DST: variants seen among roughly 807,000 people sequenced by gnomAD.
The protein encoded by DST is bullous pemphigoid antigen.
In DST, 253 loss-of-function variants were observed where a neutral mutation model predicts 875.2. That is an observed-to-expected ratio of 0.29 (90% CI 0.26 to 0.32). DST has a LOEUF of 0.32. Among genes scored for constraint, DST ranks in the 10% least tolerant of loss-of-function variants. The pLI is 1.00. For missense variants in DST, 8,287 were observed against 9,111.6 expected (o/e 0.91, Z 3.68); for synonymous variants, 3,124 against 3,197.1 (o/e 0.98, Z 0.77).
chr6:56,849,763 T>C (rs1764096827), intron 4 of DST, among the ~76,000 whole-genome samples: 1 of 152,082 alleles, frequency 6.6e-6, no homozygotes, highest in Admixed American at 6.5e-5. Context: ...CTGTCATAAC[T>C]CCCTCCTTCA....
At position 56,568,485 on chromosome 6, in the gene DST, T is replaced by G; in HGVS notation, c.13989A>C (p.Ile4663=). ...AGCTCATACCTGATTTAACTGCTGC[T>G]ATTGCCTTTGCAGGGGTGGTCACAG... The part of the protein sequence containing the change: ...ISAVTTPAKA[I]AAVKSGGAVL... The change falls in exon 55 of 104, where the codon ATA becomes ATC. Residue 4663 remains isoleucine (I), a synonymous_variant. Coordinates refer to ENST00000680361, the MANE Select transcript of DST (RefSeq NM_001374736.1). The G allele has an allele frequency of 6.2e-7, 1 of 1,604,508 alleles. No homozygotes were observed. Among genetic ancestry groups the G allele is most frequent in the South Asian group, 1.1e-5 (1 of 87,618 alleles).
chr6:56,776,560 G>A (rs1313656407), intron 4 of DST, among the ~76,000 whole-genome samples: 1 of 152,084 alleles, frequency 6.6e-6, no homozygotes, highest in Non-Finnish European at 1.5e-5. Context: ...CTGTTGCCAA[G>A]ATCTAAAATC....
chr6:56,701,459 CTAAAT>C (rs1488683746), intron 8 of DST, among the ~76,000 whole-genome samples: 2 of 151,798 alleles, frequency 1.3e-5, no homozygotes, highest in African/African-American at 2.4e-5. Context: ...AATGCTTATA[CTAAAT>C]TAAAAGTATT....
At chr6:56,745,161 G>A (rs1274849458) in intron 4 of DST, among the ~76,000 whole-genome samples, 1 of 152,192 alleles carries the variant, frequency 6.6e-6, no homozygotes, top group African/African-American at 2.4e-5. Flanking sequence ...TTAAGAAAAA[G>A]TTTCCAAAAT....
chr6:56,672,516 A>G (rs1370688484), intron 9 of DST, among the ~76,000 whole-genome samples: 2 of 152,166 alleles, frequency 1.3e-5, no homozygotes, highest in African/African-American at 2.4e-5. Flanking sequence ...AAAAAACAGC[A>G]TAAAATTTAC....
At chr6:56,586,314 C>T (rs1283212130) in intron 49 of DST, among the ~76,000 whole-genome samples, 1 of 151,750 alleles carries the variant, frequency 6.6e-6, no homozygotes, top group East Asian at 1.9e-4. Context: ...GGATAGTTAG[C>T]TCTTCTGGTT....
At chr6:56,820,623 G>C (rs2099772022) in intron 4 of DST, among the ~76,000 whole-genome samples, 1 of 151,854 alleles carries the variant, frequency 6.6e-6, no homozygotes. Context: ...ACATCAACTT[G>C]GTCACCCGAA....
At chr6:56,631,074 C>T (rs573367951) in intron 30 of DST, 137 bp downstream of exon 30, 15 of 307,892 alleles carry the variant, frequency 4.9e-5, no homozygotes, top group Non-Finnish European at 7.5e-5. Context: ...TGAGCCACCA[C>T]GCCCAGCCAA....
chr6:56,836,363 T>C (rs2099793528), intron 4 of DST, among the ~76,000 whole-genome samples: 1 of 152,176 alleles, frequency 6.6e-6, no homozygotes, highest in Non-Finnish European at 1.5e-5. Context: ...TCATATGCAA[T>C]ACCCAGCATC....
chr6:56,618,478 CTGT>C, intron 36 of DST: 2 of 1,614,176 alleles, frequency 1.2e-6, no homozygotes, highest in African/African-American at 1.3e-5. Flanking sequence ...GCTCTTTGAT[CTGT>C]TGGTCCATTT....
chr6:56,497,461 G>A lies in DST; in HGVS notation c.20141C>T (p.Thr6714Ile). ...TGCCAACAGATGACGCTCCGTGTCAGTCAGCCACTGCTGCAAATCCTCAAT... is the reference window on the plus strand; with the variant it reads ...TGCCAACAGATGACGCTCCGTGTCAATCAGCCACTGCTGCAAATCCTCAAT... ...GEIEDLQQWL[T>I]DTERHLLASK... Residue 6714 changes from threonine to isoleucine, a missense_variant, in exon 82 of 104, where the codon ACT becomes ATT. Physicochemically the swap from Thr to Ile is moderately conservative, Grantham distance 89. This residue lies in a region of DST where 1,292 missense variants were observed against 1,552.7 expected (regional missense o/e 0.83). Transcript: ENST00000680361. The A allele has an allele frequency of 2.5e-6, 4 of 1,613,174 alleles. No homozygotes were observed. Among genetic ancestry groups the A allele is most frequent in the Non-Finnish European group, 3.4e-6 (4 of 1,179,436 alleles).
chr6:56,495,671 T>G (rs1041445123), intron 82 of DST, among the ~76,000 whole-genome samples: 1 of 152,062 alleles, frequency 6.6e-6, no homozygotes, highest in African/African-American at 2.4e-5. Context: ...ACAAGTTTAG[T>G]CTATTACTTT....
At chr6:56,800,987 TC>T (rs1456528646) in intron 4 of DST, among the ~76,000 whole-genome samples, 3 of 125,134 alleles carry the variant, frequency 2.4e-5, no homozygotes, top group Non-Finnish European at 4.7e-5. Flanking sequence ...ACCAATGCAC[TC>T]CAGCCGGGGC....
intron 10 of DST, among the ~76,000 whole-genome samples, chr6:56,660,288 C>T (rs2099032374): frequency 6.6e-6 from 1 of 152,106 alleles, no homozygotes; most frequent in Non-Finnish European, 1.5e-5. Flanking sequence ...CAAAATAGTA[C>T]ATACTCAGCA....
Position 56,952,582 on chromosome 6 carries a change from T to C in DST, c.216+1203A>G, listed in dbSNP as rs143094435. On this transcript the variant is annotated intron_variant, in intron 2 of 103. Transcript: ENST00000680361. ...AACATTATCGTTTATTTTTATACAT[T>C]TTAAAATTCAATTTTACAAAATATA... Among the ~76,000 whole-genome samples, 58 of 152,318 alleles carry C rather than the reference T, an allele frequency of 3.8e-4. No homozygotes were observed. In the East Asian group the frequency reaches 0.011, roughly 29 times the overall value.
intron 5 of DST, among the ~76,000 whole-genome samples, chr6:56,728,366 A>C (rs2099477851): frequency 6.6e-6 from 1 of 152,184 alleles, no homozygotes; most frequent in Non-Finnish European, 1.5e-5. Context: ...CAAAAATGTC[A>C]ATTTCATACA....
chr6:56,624,708 C>T (rs2098718492), intron 35 of DST, 80 bp from the exon 36 acceptor site: 2 of 916,004 alleles, frequency 2.2e-6, no homozygotes, highest in African/African-American at 3.3e-5. Flanking sequence ...ATAATAATTA[C>T]ATTAACTAGG....
At chr6:56,941,645 C>A (rs1403400199) in intron 2 of DST, among the ~76,000 whole-genome samples, 1 of 152,096 alleles carries the variant, frequency 6.6e-6, no homozygotes, top group Non-Finnish European at 1.5e-5. Context: ...CTAAGCTTGG[C>A]TAATTTTTGT....
chr6:56,627,900 G>C, intron 33 of DST, 99 bp downstream of exon 33: 2 of 1,133,834 alleles, frequency 1.8e-6, no homozygotes, highest in Non-Finnish European at 2.7e-6. Context: ...TTCCTCTAAA[G>C]AGTTGGTGAC....
Sources: allele counts gnomAD v4.1 joint callset (sites outside exome capture counted in the v4.1 genomes callset), GRCh38; gene constraint gnomAD v4.1.1; regional missense constraint gnomAD v4.1.1; transcripts MANE v1.5; gene names NCBI Gene and HGNC (gene_info 2026-07-23, HGNC 2026-07-21).